The following SYT16 variants were observed in gnomAD, a reference collection of about 807,000 sequenced individuals.
The protein encoded by SYT16 is synaptotagmin-16.
SYT16 carries 42 observed loss-of-function variants against 61.4 expected under a neutral mutation model. The observed-to-expected ratio is 0.68, with a 90% CI of 0.53 to 0.89. SYT16 has a LOEUF of 0.89. Among genes scored for constraint, SYT16 ranks in the 40% least tolerant of loss-of-function variants. SYT16 has a pLI of 0.00. For missense variants in SYT16, 804 were observed against 807.3 expected (o/e 1.00, Z 0.05); for synonymous variants, 314 against 302.3 (o/e 1.04, Z -0.40).
At chr14:62,093,013 A>G (rs571763305) in intron 7 of SYT16, among the ~76,000 whole-genome samples, 1 of 152,232 alleles carries the variant, frequency 6.6e-6, no homozygotes, top group Middle Eastern at 3.4e-3. Flanking sequence ...GCTTCAAGGA[A>G]AAGAAATACT....
intron 1 of SYT16, among the ~76,000 whole-genome samples, chr14:61,901,865 G>A (rs530806219): frequency 2.0e-5 from 3 of 151,804 alleles, no homozygotes; most frequent in East Asian, 3.9e-4. Context: ...GGGTTCAAGC[G>A]ATTCTCCTGT....
At chr14:61,911,357 T>G (rs2021429) in intron 1 of SYT16, among the ~76,000 whole-genome samples, 138,415 of 152,238 alleles carry the variant, frequency 0.91, 63,059 homozygotes, top group East Asian at 0.98. Flanking sequence ...AAGTATTTTC[T>G]GTCTAAAGTA....
At chr14:61,817,011 ACACACAC>A (rs2045457974) in intron 1 of SYT16, among the ~76,000 whole-genome samples, 4 of 134,464 alleles carry the variant, frequency 3.0e-5, no homozygotes, top group African/African-American at 8.4e-5. Context: ...GCTCCGTCAC[ACACACAC>A]ACACACACAC....
chr14:61,834,556 G>C (rs1330074192), intron 1 of SYT16, among the ~76,000 whole-genome samples: 1 of 146,680 alleles, frequency 6.8e-6, no homozygotes, highest in Non-Finnish European at 1.5e-5. Flanking sequence ...TTCTGCCCCA[G>C]CCTCCCAAGT....
intron 3 of SYT16, among the ~76,000 whole-genome samples, chr14:61,997,476 G>A (rs773365342): frequency 6.6e-6 from 1 of 151,976 alleles, no homozygotes; most frequent in Non-Finnish European, 1.5e-5. Context: ...TATTAGCTTT[G>A]TCTTTTTAGG....
At chr14:62,059,275 A>G (rs897459524) in intron 3 of SYT16, among the ~76,000 whole-genome samples, 1 of 151,964 alleles carries the variant, frequency 6.6e-6, no homozygotes, top group Non-Finnish European at 1.5e-5. Context: ...TCGGTATCTC[A>G]TGTGATTTTA....
intron 1 of SYT16, among the ~76,000 whole-genome samples, chr14:61,953,150 T>G (rs2050738441): frequency 6.6e-6 from 1 of 152,170 alleles, no homozygotes; most frequent in African/African-American, 2.4e-5. Context: ...CTTATTTAAT[T>G]TTGTAGTTGG....
chr14:61,904,584 T>C (rs2048636507), intron 1 of SYT16, among the ~76,000 whole-genome samples: 1 of 152,206 alleles, frequency 6.6e-6, no homozygotes, highest in Non-Finnish European at 1.5e-5. Flanking sequence ...ATGATTGTAA[T>C]GATTTCAGAT....
chr14:62,041,397 A>G (rs1392325154), intron 3 of SYT16, among the ~76,000 whole-genome samples: 2 of 152,172 alleles, frequency 1.3e-5, no homozygotes, highest in African/African-American at 4.8e-5. Flanking sequence ...GATTTTAAGG[A>G]ATTTATTATA....
intron 1 of SYT16, among the ~76,000 whole-genome samples, chr14:61,829,610 TG>T (rs2045874305): frequency 6.6e-6 from 1 of 152,172 alleles, no homozygotes; most frequent in Non-Finnish European, 1.5e-5. Context: ...CTCCTAAACT[TG>T]TCTCTCTATT....
At chr14:61,881,820 C>T (rs535824802) in intron 1 of SYT16, among the ~76,000 whole-genome samples, 4 of 152,162 alleles carry the variant, frequency 2.6e-5, no homozygotes, top group Non-Finnish European at 5.9e-5. Flanking sequence ...TTATCATCTT[C>T]TTCTACAGTC....
At chr14:61,986,388 T>C (rs1054387107) in intron 2 of SYT16, among the ~76,000 whole-genome samples, 10 of 151,238 alleles carry the variant, frequency 6.6e-5, no homozygotes, top group African/African-American at 2.4e-4. Context: ...TCTTGAAATG[T>C]AAAGGATTGA....
chr14:61,891,339 A>G (rs1166949863), intron 1 of SYT16, among the ~76,000 whole-genome samples: 1 of 151,394 alleles, frequency 6.6e-6, no homozygotes, highest in East Asian at 1.9e-4. Flanking sequence ...TCCCCTTGCA[A>G]ACTTGAGCAT....
chr14:61,946,347 A>C (rs1271679559), intron 1 of SYT16, among the ~76,000 whole-genome samples: 1 of 152,320 alleles, frequency 6.6e-6, no homozygotes, highest in East Asian at 1.9e-4. Flanking sequence ...ATAAGTACAC[A>C]TGGATATGCG....
At chr14:61,859,576 T>C (rs1243140038) in intron 1 of SYT16, among the ~76,000 whole-genome samples, 1 of 151,764 alleles carries the variant, frequency 6.6e-6, no homozygotes, top group Non-Finnish European at 1.5e-5. Context: ...TATTAAACCT[T>C]TACTCCTAAA....
At chr14:62,014,899 G>GTCTACTC (rs1417657667) in intron 3 of SYT16, among the ~76,000 whole-genome samples, 1 of 152,134 alleles carries the variant, frequency 6.6e-6, no homozygotes, top group Non-Finnish European at 1.5e-5. Context: ...TATGTCTACT[G>GTCTACTC]TCTTCTAGCA....
chr14:61,899,130 CTT>C (rs147840280), intron 1 of SYT16, among the ~76,000 whole-genome samples: 2,758 of 152,256 alleles, frequency 0.018, 43 homozygotes, highest in Admixed American at 0.029. Flanking sequence ...CTTTTAATAA[CTT>C]TGTGAGGCAG....
chr14:61,919,603 C>G (rs1238100554), intron 1 of SYT16, among the ~76,000 whole-genome samples: 1 of 152,218 alleles, frequency 6.6e-6, no homozygotes, highest in Non-Finnish European at 1.5e-5. Flanking sequence ...TGCCATTTCT[C>G]TGGTCCTTCT....
chr14:61,972,900 C>T (rs2051620725), intron 2 of SYT16, among the ~76,000 whole-genome samples: 1 of 152,142 alleles, frequency 6.6e-6, no homozygotes, highest in Non-Finnish European at 1.5e-5. Context: ...TTCTCCCATT[C>T]TCATTCTGTG....
Sources: gnomAD v4.1 joint callset for allele counts (sites outside exome capture counted in the v4.1 genomes callset) on GRCh38, gnomAD v4.1.1 for gene constraint, MANE v1.5 for transcripts, NCBI Gene and HGNC (gene_info 2026-07-23, HGNC 2026-07-21) for gene names.